Variants in CNTNAP5 observed in about 807,000 individuals in gnomAD.
CNTNAP5 encodes contactin-associated protein-like 5.
In CNTNAP5, 72 loss-of-function variants were observed where a neutral mutation model predicts 150.2. That is an observed-to-expected ratio of 0.48 (90% confidence interval 0.40 to 0.58). The LOEUF (loss-of-function observed/expected upper bound fraction) is 0.58. Ranked by LOEUF, CNTNAP5 falls within the 20% of genes least tolerant of loss-of-function variation. The pLI is 0.00. For missense variants in CNTNAP5, 1,636 were observed against 1,626.2 expected, an observed-to-expected ratio of 1.01 and a Z score of -0.10; for synonymous variants, 672 against 619.8, an observed-to-expected ratio of 1.08 and a Z score of -1.25.
At chr2:124,728,512 C>T (rs1480534030) in intron 13 of CNTNAP5, among the ~76,000 whole-genome samples, 1 of 151,990 alleles carries the variant, frequency 6.6e-6, no homozygotes, top group Non-Finnish European at 1.5e-5. Flanking sequence ...TGAAAACCCC[C>T]TGAAATCAAA....
intron 3 of CNTNAP5, among the ~76,000 whole-genome samples, chr2:124,324,022 A>G (rs956142297): frequency 1.3e-5 from 2 of 152,164 alleles, no homozygotes; most frequent in African/African-American, 4.8e-5. Flanking sequence ...AGCATTACGA[A>G]AAAAAGAGCC....
At chr2:124,715,114 G>GT (rs1312221577) in intron 13 of CNTNAP5, among the ~76,000 whole-genome samples, 2 of 152,072 alleles carry the variant, frequency 1.3e-5, no homozygotes, top group Admixed American at 6.5e-5. Context: ...TTAATCCTTG[G>GT]TTAGTTACAC....
At chr2:124,568,835 G>A (rs1263984685) in intron 11 of CNTNAP5, among the ~76,000 whole-genome samples, 2 of 152,152 alleles carry the variant, frequency 1.3e-5, no homozygotes, top group African/African-American at 4.8e-5. Context: ...CATGAGGTCA[G>A]GAGATCGAGA....
chr2:124,057,852 A>T, intron 1 of CNTNAP5, among the ~76,000 whole-genome samples: 1 of 151,950 alleles, frequency 6.6e-6, no homozygotes, highest in East Asian at 1.9e-4. Flanking sequence ...CAAAGGAGAA[A>T]TGCTTGAGGG....
chr2:124,525,547 A>G (rs1694944858), intron 9 of CNTNAP5, among the ~76,000 whole-genome samples: 1 of 152,254 alleles, frequency 6.6e-6, no homozygotes, highest in Non-Finnish European at 1.5e-5. Context: ...CACTTCTCTC[A>G]TACCAATGGA....
chr2:124,469,647 A>C (rs1462881461), intron 6 of CNTNAP5, among the ~76,000 whole-genome samples: 1 of 152,080 alleles, frequency 6.6e-6, no homozygotes, highest in Non-Finnish European at 1.5e-5. Context: ...CATGTGTCAT[A>C]GTGATTAGCT....
At chr2:124,763,304 G>T (rs1680997988) in intron 14 of CNTNAP5, among the ~76,000 whole-genome samples, 1 of 152,154 alleles carries the variant, frequency 6.6e-6, no homozygotes, top group Non-Finnish European at 1.5e-5. Context: ...GCTGTTTCAA[G>T]TTAGTTGCTG....
chr2:124,336,601 G>A (rs539273528), intron 3 of CNTNAP5, among the ~76,000 whole-genome samples: 2,988 of 132,142 alleles, frequency 0.023, 27 homozygotes, highest in East Asian at 0.079. Flanking sequence ...CTCAGTTCCC[G>A]CCTATGAGTG....
chr2:124,521,663 G>A lies in CNTNAP5; in HGVS notation c.1328-2640G>A, dbSNP rs551368065. Among the ~76,000 whole-genome samples the A allele has an allele frequency of 6.7e-4, 102 of 152,248 alleles. 1 individual carries two copies. The highest frequency in any genetic ancestry group is 2.1e-3 in the African/African-American group (87 of 41,548). ...CCTAGCAGGGTGCTTGGCCTTTAGG[G>A]AGTATTTAGAACTTTTATTCTGAAC... On this transcript the variant is annotated intron_variant, in intron 8 of 23. Coordinates refer to ENST00000682447, the MANE Select transcript of CNTNAP5 (RefSeq NM_001367498.1).
chr2:124,562,674 A>G (rs182616748), intron 10 of CNTNAP5, among the ~76,000 whole-genome samples: 257 of 152,312 alleles, frequency 1.7e-3, no homozygotes, highest in African/African-American at 5.9e-3. Flanking sequence ...TAAGGATAGC[A>G]TTTACACTTT....
In CNTNAP5 at chr2:124,226,767, G is replaced by T. The variant is rs531148874; in HGVS notation, c.187+4958G>T. Among the ~76,000 whole-genome samples, 81 of 152,056 alleles carry T rather than the reference G, an allele frequency of 5.3e-4. 1 individual carries two copies. In the South Asian group the frequency reaches 0.016, roughly 30 times the overall value. On this transcript the variant is annotated intron_variant, in intron 2 of 23. Coordinates refer to ENST00000682447, the MANE Select transcript of CNTNAP5 (RefSeq NM_001367498.1). ...AGTTGAGAAGTCCAAGGTCAAGGGG[G>T]GCAGATTTGGTCAGGGTCCTCTTGC...
At chr2:124,535,576 A>G (rs1027023654) in intron 10 of CNTNAP5, among the ~76,000 whole-genome samples, 1 of 150,728 alleles carries the variant, frequency 6.6e-6, no homozygotes, top group Non-Finnish European at 1.5e-5. Flanking sequence ...ATCCTGGCCA[A>G]CATGGTGAAA....
At chr2:124,055,438 A>G (rs1252982537) in intron 1 of CNTNAP5, among the ~76,000 whole-genome samples, 1 of 152,010 alleles carries the variant, frequency 6.6e-6, no homozygotes, top group Non-Finnish European at 1.5e-5. Context: ...TTCTTCTTGG[A>G]TAGCTTTCTT....
intron 12 of CNTNAP5, among the ~76,000 whole-genome samples, chr2:124,615,066 A>G (rs966039352): frequency 6.6e-6 from 1 of 152,228 alleles, no homozygotes; most frequent in African/African-American, 2.4e-5. Context: ...CTGAGCCTTC[A>G]GTGAGTCTTA....
intron 1 of CNTNAP5, among the ~76,000 whole-genome samples, chr2:124,165,862 TACA>T (rs1457625264): frequency 3.9e-5 from 6 of 152,160 alleles, no homozygotes; most frequent in East Asian, 1.9e-4. Flanking sequence ...CTGAATGTTT[TACA>T]ACAAGTACAT....
chr2:124,627,289 C>A (rs1298945647), intron 12 of CNTNAP5, among the ~76,000 whole-genome samples: 1 of 152,116 alleles, frequency 6.6e-6, no homozygotes, highest in Admixed American at 6.5e-5. Context: ...GTGAGACCTC[C>A]CAACAGGGGT....
chr2:124,773,708 G>A lies in CNTNAP5; in HGVS notation c.2752+691G>A, dbSNP rs150223511. On this transcript the variant is annotated intron_variant, in intron 17 of 23. Transcript: ENST00000682447. ...GGTCAGGTATCTTGTTAGATAGTGG[G>A]TATTGAAAGATGAATTGAGCACTAC... Among the ~76,000 whole-genome samples the A allele has an allele frequency of 2.0e-5, 3 of 152,140 alleles. No homozygotes were observed. The East Asian group carries it at 5.8e-4, about 29-fold the overall frequency.
chr2:124,706,214 G>C (rs1431812052), intron 13 of CNTNAP5, among the ~76,000 whole-genome samples: 1 of 151,982 alleles, frequency 6.6e-6, no homozygotes, highest in Non-Finnish European at 1.5e-5. Flanking sequence ...GTTTTGTAAG[G>C]CTTGGGGTCA....
intron 7 of CNTNAP5, among the ~76,000 whole-genome samples, chr2:124,490,252 T>C (rs6541956): frequency 0.47 from 71,233 of 151,076 alleles, 16,928 homozygotes; most frequent in Middle Eastern, 0.59. Flanking sequence ...GAGAATTGCT[T>C]GAACCAGGGA....
Sources: allele counts gnomAD v4.1 joint callset (sites outside exome capture counted in the v4.1 genomes callset), GRCh38; gene constraint gnomAD v4.1.1; transcripts MANE v1.5; gene names NCBI Gene and HGNC (gene_info 2026-07-23, HGNC 2026-07-21).